The following ADGRL3 variants were observed in gnomAD, a reference collection of about 807,000 sequenced individuals.
ADGRL3 encodes the protein adhesion G protein-coupled receptor L3.
A neutral mutation model predicts 153.5 loss-of-function variants in ADGRL3; 62 were observed. The observed-to-expected ratio is 0.40, with a 90% CI of 0.33 to 0.50. The LOEUF is 0.50. Among genes scored for constraint, ADGRL3 ranks in the 20% least tolerant of loss-of-function variants. ADGRL3 has a pLI of 0.47. For synonymous variants in ADGRL3, 710 were observed against 672.5 expected, an observed-to-expected ratio of 1.06 and a Z score of -0.86; for missense variants, 1,641 against 1,859.4, an observed-to-expected ratio of 0.88 and a Z score of 2.16.
At chr4:62,057,258 T>G (rs1459715972) in intron 25 of ADGRL3, among the ~76,000 whole-genome samples, 1 of 152,166 alleles carries the variant, frequency 6.6e-6, no homozygotes. Context: ...TATATTACAC[T>G]GAACCATCCC....
At chr4:61,381,945 AC>A (rs1397927933) in intron 1 of ADGRL3, among the ~76,000 whole-genome samples, 1 of 152,020 alleles carries the variant, frequency 6.6e-6, no homozygotes, top group Non-Finnish European at 1.5e-5. Context: ...TCCAAAAGAT[AC>A]AGTGAGTTTC....
At chr4:61,756,259 T>C (rs2096828941) in intron 8 of ADGRL3, among the ~76,000 whole-genome samples, 1 of 152,192 alleles carries the variant, frequency 6.6e-6, no homozygotes. Context: ...GAGCATGGAA[T>C]GTTCTTCCAT....
intron 9 of ADGRL3, among the ~76,000 whole-genome samples, chr4:61,854,754 C>T (rs2098244413): frequency 6.6e-6 from 1 of 152,134 alleles, no homozygotes; most frequent in South Asian, 2.1e-4. Flanking sequence ...GAGAAAAAAA[C>T]TTAGAAGACA....
At chr4:61,769,716 G>T (rs2097058870) in intron 8 of ADGRL3, among the ~76,000 whole-genome samples, 1 of 151,558 alleles carries the variant, frequency 6.6e-6, no homozygotes, top group Admixed American at 6.6e-5. Context: ...AGTCCAAGGG[G>T]GTTTGTTCTC....
intron 6 of ADGRL3, among the ~76,000 whole-genome samples, chr4:61,692,557 C>T (rs2095559366): frequency 6.6e-6 from 1 of 151,754 alleles, no homozygotes; most frequent in African/African-American, 2.4e-5. Context: ...ATTCTCCTGC[C>T]TCAGCCTCCC....
chr4:61,346,613 G>GA (rs35020356), intron 1 of ADGRL3, among the ~76,000 whole-genome samples: 4,567 of 141,988 alleles, frequency 0.032, 202 homozygotes, highest in African/African-American at 0.11. Flanking sequence ...AAGAAAAATA[G>GA]AAAAAAAAAA....
At chr4:61,431,449 CTTTTA>C (rs2097354711) in intron 2 of ADGRL3, among the ~76,000 whole-genome samples, 1 of 152,192 alleles carries the variant, frequency 6.6e-6, no homozygotes, top group Non-Finnish European at 1.5e-5. Flanking sequence ...GACAACTCTT[CTTTTA>C]AAGAGTGATC....
intron 9 of ADGRL3, among the ~76,000 whole-genome samples, chr4:61,870,324 T>G (rs1024858862): frequency 1.3e-5 from 2 of 152,170 alleles, no homozygotes; most frequent in African/African-American, 4.8e-5. Flanking sequence ...AAATGTATCA[T>G]AAATCTAAGC....
chr4:61,673,204 C>T (rs2095065736), intron 5 of ADGRL3, among the ~76,000 whole-genome samples: 1 of 151,674 alleles, frequency 6.6e-6, no homozygotes, highest in Admixed American at 6.6e-5. Context: ...GGGGAGATGT[C>T]GATCAAAGGG....
chr4:61,420,400 G>GTTTTTT (rs1560602281), intron 2 of ADGRL3: 1 of 96,172 alleles, frequency 1.0e-5, no homozygotes, highest in African/African-American at 3.9e-5. Flanking sequence ...CCAAAGGAAA[G>GTTTTTT]CTTTTTTTTT....
At chr4:61,335,931 C>T (rs867559776) in intron 1 of ADGRL3, among the ~76,000 whole-genome samples, 1 of 152,112 alleles carries the variant, frequency 6.6e-6, no homozygotes, top group Non-Finnish European at 1.5e-5. Context: ...GTATTGTTTA[C>T]ACCTCACTAT....
At chr4:61,600,330 A>C (rs1181365321) in intron 5 of ADGRL3, among the ~76,000 whole-genome samples, 1 of 151,558 alleles carries the variant, frequency 6.6e-6, no homozygotes, top group Non-Finnish European at 1.5e-5. Flanking sequence ...AAAAAAGAGG[A>C]AATGAATTGG....
chr4:61,354,574 CTGTGTGTGTG>C (rs58238791), intron 1 of ADGRL3, among the ~76,000 whole-genome samples: 3 of 148,280 alleles, frequency 2.0e-5, no homozygotes, highest in African/African-American at 7.4e-5. Flanking sequence ...AAGACTTTGT[CTGTGTGTGTG>C]TGTGTGTGTG....
chr4:61,435,301 G>A (rs2097430654), intron 2 of ADGRL3, among the ~76,000 whole-genome samples: 1 of 151,972 alleles, frequency 6.6e-6, no homozygotes, highest in African/African-American at 2.4e-5. Context: ...ATAGAAGTAT[G>A]TAATTTTTCC....
At chr4:61,530,499 G>A (rs2098606001) in intron 4 of ADGRL3, among the ~76,000 whole-genome samples, 1 of 152,120 alleles carries the variant, frequency 6.6e-6, no homozygotes, top group Non-Finnish European at 1.5e-5. Context: ...ATGGCTCAGT[G>A]CTGAGTTTGG....
chr4:61,615,464 G>A (rs1385605086), intron 5 of ADGRL3, among the ~76,000 whole-genome samples: 1 of 152,060 alleles, frequency 6.6e-6, no homozygotes, highest in Non-Finnish European at 1.5e-5. Flanking sequence ...TCAAAAAAGG[G>A]GTGATATTCA....
In ADGRL3 at chr4:61,813,833, C is replaced by T. The variant is rs1454556522; in HGVS notation, c.1424C>T (p.Ser475Leu). Residue 475 changes from serine (S) to leucine (L), a missense_variant, in exon 9 of 27, where the codon TCA becomes TTA. By Grantham distance (145) the Ser-to-Leu change is moderately radical (BLOSUM62 -2). Around this residue, in one of 5 missense-constraint regions of ADGRL3, gnomAD observed 734 missense variants for 797.0 expected, o/e 0.92. Transcript: ENST00000683033. ...GGGCAGGCACATCATGGACAAGTTT[C>T]ATACATTTCTCCGCCAATTCACCTT... ...RSGQAHHGQV[S>L]YISPPIHLDS... 1.3e-6 allele frequency: 2 copies of T among 1,575,684 alleles called. No homozygotes were observed. Among genetic ancestry groups the T allele is most frequent in the Middle Eastern group, 1.7e-4 (1 of 5,984 alleles).
intron 5 of ADGRL3, among the ~76,000 whole-genome samples, chr4:61,647,082 CT>C (rs1306732525): frequency 6.6e-6 from 1 of 152,154 alleles, no homozygotes; most frequent in African/African-American, 2.4e-5. Flanking sequence ...GGAAAGGGAA[CT>C]CCCTGACCCC....
chr4:61,624,024 A>G (rs1367104049), intron 5 of ADGRL3, among the ~76,000 whole-genome samples: 1 of 152,162 alleles, frequency 6.6e-6, no homozygotes, highest in Non-Finnish European at 1.5e-5. Flanking sequence ...GTGAATAAAG[A>G]GTGATGCTAG....
Sources: allele counts gnomAD v4.1 joint callset (sites outside exome capture counted in the v4.1 genomes callset), GRCh38; gene constraint gnomAD v4.1.1; regional missense constraint gnomAD v4.1.1; transcripts MANE v1.5; gene names NCBI Gene and HGNC (gene_info 2026-07-23, HGNC 2026-07-21).